LNP1: variants seen among roughly 807,000 people sequenced by gnomAD.
The protein encoded by LNP1 is leukemia NUP98 fusion partner 1.
In LNP1, 12 loss-of-function variants were observed where a neutral mutation model predicts 14.5. The ratio of observed to expected loss-of-function variants is 0.83; its 90% confidence interval spans 0.53 to 1.34. The LOEUF (loss-of-function observed/expected upper bound fraction) is 1.34, where lower values mean the gene tolerates loss of function less well. Ranked by LOEUF, LNP1 falls within the 40% of genes most tolerant of loss-of-function variation. LNP1 has a pLI of 0.00. For missense variants in LNP1, 198 were observed against 210.9 expected (o/e 0.94, Z 0.38); for synonymous variants, 75 against 71.4 (o/e 1.05, Z -0.26).
At chr3:100,411,696 C>T (rs1304687928) in intron 1 of LNP1, among the ~76,000 whole-genome samples, 1 of 152,136 alleles carries the variant, frequency 6.6e-6, no homozygotes, top group Non-Finnish European at 1.5e-5. Context: ...CTCACATGAC[C>T]TCTTTGTATG....
At chr3:100,414,900 G>A (rs755093608) in intron 1 of LNP1, among the ~76,000 whole-genome samples, 3 of 152,196 alleles carry the variant, frequency 2.0e-5, no homozygotes, top group Non-Finnish European at 4.4e-5. Context: ...CTTGGAGACC[G>A]TAGGATAATA....
rs139273661 is a variant in LNP1, at chr3:100,449,149, C to G, written c.157-2570C>G. Among the ~76,000 whole-genome samples the G allele has an allele frequency of 9.5e-4, 144 of 152,256 alleles. 1 individual carries two copies. Among genetic ancestry groups the G allele is most frequent in the African/African-American group, 3.3e-3 (136 of 41,564 alleles). On this transcript the variant is annotated intron_variant, in intron 2 of 3. Transcript: ENST00000383693. ...GGGACTACCTGTCTTTTAACCGGAT[C>G]TCTGAGCTTTGGGCAGAGCCCACAT...
chr3:100,442,358 A>C (rs931910887), intron 2 of LNP1, among the ~76,000 whole-genome samples: 2 of 152,170 alleles, frequency 1.3e-5, no homozygotes, highest in African/African-American at 2.4e-5. Context: ...AAGGTTGAGG[A>C]TGCGCACCTG....
chr3:100,419,246 T>A (rs1272373406), intron 1 of LNP1, among the ~76,000 whole-genome samples: 1 of 152,230 alleles, frequency 6.6e-6, no homozygotes, highest in East Asian at 1.9e-4. Context: ...AACAGCATTT[T>A]GGTCCTGTAG....
At chr3:100,418,020 G>T in intron 1 of LNP1, among the ~76,000 whole-genome samples, 1 of 143,438 alleles carries the variant, frequency 7.0e-6, no homozygotes, top group Admixed American at 6.9e-5. Flanking sequence ...TCATTTGTAT[G>T]TTATTCTAAT....
chr3:100,421,439 C>A (rs1000166356), intron 1 of LNP1, among the ~76,000 whole-genome samples: 1 of 152,264 alleles, frequency 6.6e-6, no homozygotes, highest in South Asian at 2.1e-4. Flanking sequence ...ATCTGGGCAC[C>A]ATGGACCAGT....
chr3:100,434,194 T>C (rs567138790), intron 2 of LNP1, among the ~76,000 whole-genome samples: 1 of 152,346 alleles, frequency 6.6e-6, no homozygotes, highest in South Asian at 2.1e-4. Context: ...CTGTTATGGT[T>C]TTGGGATTTA....
At chr3:100,422,279 G>C (rs1320876733) in intron 1 of LNP1, among the ~76,000 whole-genome samples, 2 of 150,482 alleles carry the variant, frequency 1.3e-5, no homozygotes, top group Non-Finnish European at 2.9e-5. Flanking sequence ...CGCCTCCCGG[G>C]TTCAGGCCAT....
At chr3:100,437,476 G>C (rs1447047207) in intron 2 of LNP1, among the ~76,000 whole-genome samples, 3 of 152,172 alleles carry the variant, frequency 2.0e-5, no homozygotes, top group African/African-American at 4.8e-5. Context: ...ATTAAAAAAA[G>C]TTATTTTACT....
At chr3:100,446,043 C>A (rs1039510134) in intron 2 of LNP1, among the ~76,000 whole-genome samples, 1 of 152,160 alleles carries the variant, frequency 6.6e-6, no homozygotes, top group African/African-American at 2.4e-5. Flanking sequence ...TTTATAGATT[C>A]AATGCCATCC....
chr3:100,431,013 A>G (rs1707237670), intron 2 of LNP1, among the ~76,000 whole-genome samples: 1 of 152,244 alleles, frequency 6.6e-6, no homozygotes, highest in Non-Finnish European at 1.5e-5. Flanking sequence ...ATGTTCTGTT[A>G]TAAAATAAAC....
intron 1 of LNP1, among the ~76,000 whole-genome samples, chr3:100,408,061 T>C (rs1470492458): frequency 6.6e-6 from 1 of 152,270 alleles, no homozygotes; most frequent in African/African-American, 2.4e-5. Context: ...TTTGAATTCC[T>C]TGGCAGATAG....
chr3:100,440,715 G>A (rs1707336492), intron 2 of LNP1, among the ~76,000 whole-genome samples: 1 of 152,162 alleles, frequency 6.6e-6, no homozygotes, highest in Admixed American at 6.5e-5. Context: ...CTGGGTACTA[G>A]CAGAGAGTAA....
intron 1 of LNP1, among the ~76,000 whole-genome samples, chr3:100,403,490 G>T (rs1243344905): frequency 6.6e-6 from 1 of 151,124 alleles, no homozygotes; most frequent in Non-Finnish European, 1.5e-5. Context: ...TTGAGATGGA[G>T]TTTCGCTCTT....
At chr3:100,450,560 C>T (rs372344054) in intron 2 of LNP1, among the ~76,000 whole-genome samples, 1 of 152,068 alleles carries the variant, frequency 6.6e-6, no homozygotes, top group Non-Finnish European at 1.5e-5. Context: ...TGGTCTTGAA[C>T]CCCTGACCTC....
chr3:100,431,673 T>C (rs1354832878), intron 2 of LNP1, among the ~76,000 whole-genome samples: 3 of 151,950 alleles, frequency 2.0e-5, no homozygotes, highest in African/African-American at 7.3e-5. Flanking sequence ...ACTTGAATAC[T>C]TTCTATCTCT....
intron 1 of LNP1, among the ~76,000 whole-genome samples, chr3:100,426,001 TAGC>T (rs1449099118): frequency 1.3e-5 from 2 of 152,228 alleles, no homozygotes; most frequent in African/African-American, 2.4e-5. Flanking sequence ...CACAAATTAA[TAGC>T]AGTGAGCTAT....
chr3:100,404,790 CCT>C (rs1491268350), intron 1 of LNP1, among the ~76,000 whole-genome samples: 4 of 113,136 alleles, frequency 3.5e-5, no homozygotes, highest in Non-Finnish European at 6.5e-5. Context: ...TTTGTGTTAT[CCT>C]TTTTTTTTTT....
chr3:100,448,654 A>G (rs187644517), intron 2 of LNP1, among the ~76,000 whole-genome samples: 11 of 152,334 alleles, frequency 7.2e-5, no homozygotes, highest in Admixed American at 6.5e-4. Flanking sequence ...TAAGGGTTTT[A>G]CTTAAGTTAC....
Sources: gnomAD v4.1 joint callset for allele counts (sites outside exome capture counted in the v4.1 genomes callset) on GRCh38, gnomAD v4.1.1 for gene constraint, MANE v1.5 for transcripts, NCBI Gene and HGNC (gene_info 2026-07-23, HGNC 2026-07-21) for gene names.